CNOT1: variants seen among roughly 807,000 people sequenced by gnomAD.
CNOT1 encodes CCR4-associated factor 1.
CNOT1 carries 15 observed loss-of-function variants against 273.8 expected under a neutral mutation model. The ratio of observed to expected loss-of-function variants is 0.05; its 90% CI spans 0.04 to 0.08. The LOEUF (loss-of-function observed/expected upper bound fraction) is 0.08. CNOT1 is among the 10% of genes least tolerant of loss of function. The pLI, the probability that CNOT1 is intolerant of heterozygous loss-of-function variation, is 1.00. For synonymous variants in CNOT1, 1,022 were observed against 1,005.5 expected, an observed-to-expected ratio of 1.02 and a Z score of -0.31; for missense variants, 1,644 against 2,912.2, an observed-to-expected ratio of 0.56 and a Z score of 10.02.
At chr16:58,567,512 T>C (rs143768488) in intron 16 of CNOT1, among the ~76,000 whole-genome samples, 445 of 136,976 alleles carry the variant, frequency 3.2e-3, no homozygotes, top group Non-Finnish European at 5.0e-3. Flanking sequence ...TGGTAGCATA[T>C]ACCTGTAATC....
chr16:58,552,444 ATCTC>A (rs140637057), intron 22 of CNOT1, among the ~76,000 whole-genome samples: 5 of 151,064 alleles, frequency 3.3e-5, no homozygotes, highest in Non-Finnish European at 5.9e-5. Flanking sequence ...GAAAGTGATG[ATCTC>A]TCTCTCTCTC....
intron 17 of CNOT1, 128 bp downstream of exon 17, chr16:58,560,079 TTAAAA>T: frequency 1.3e-6 from 2 of 1,520,584 alleles, no homozygotes; most frequent in South Asian, 1.3e-5. Flanking sequence ...CATATCTCCT[TTAAAA>T]TAAGTGGATG....
At chr16:58,586,961 T>C (rs2041894297) in intron 6 of CNOT1, among the ~76,000 whole-genome samples, 1 of 152,230 alleles carries the variant, frequency 6.6e-6, no homozygotes, top group African/African-American at 2.4e-5. Context: ...GGCATAGTTC[T>C]GTTTGGCAAA....
chr16:58,541,939 C>T (rs2040108333), intron 33 of CNOT1, among the ~76,000 whole-genome samples: 2 of 152,146 alleles, frequency 1.3e-5, no homozygotes, highest in South Asian at 4.1e-4. Flanking sequence ...TCACTGGGAA[C>T]AATAAGCAAC....
At chr16:58,554,945 A>AAAAAAAG (rs2040583734) in intron 21 of CNOT1, among the ~76,000 whole-genome samples, 1 of 150,242 alleles carries the variant, frequency 6.7e-6, no homozygotes, top group Non-Finnish European at 1.5e-5. Context: ...CAAAAAAAAA[A>AAAAAAAG]AAAAAAAAGC....
At chr16:58,549,519 A>C (rs889103547) in intron 25 of CNOT1, among the ~76,000 whole-genome samples, 200 bp downstream of exon 25, 1 of 152,220 alleles carries the variant, frequency 6.6e-6, no homozygotes, top group Non-Finnish European at 1.5e-5. Context: ...GTTACTTTCA[A>C]AGAAAAGGCA....
At position 58,547,787 on chromosome 16, in the gene CNOT1, T is replaced by A. The variant is rs1466330450; in HGVS notation, c.3523-105A>T. The A allele has an allele frequency of 2.6e-6, 3 of 1,138,616 alleles. No homozygotes were observed. The highest frequency in any genetic ancestry group is 3.6e-6 in the Non-Finnish European group (3 of 828,320). The allele number at this position is 1,138,616 out of a possible 1,614,324, so 70.5% of individuals were successfully genotyped here. A position where few individuals can be genotyped will look rare whatever the true frequency, so the allele number is the denominator to read the frequency against. ...ATCCTATCCTAAAGACAAGTCATCA[T>A]TTCTAAGAACAGGCCCCAAAGTAGA... On this transcript the variant is annotated intron_variant, in intron 25 of 48. Coordinates refer to ENST00000317147, the MANE Select transcript of CNOT1 (RefSeq NM_016284.5). The surrounding 1 kb of genome is among the most constrained non-coding windows in gnomAD (Gnocchi z 4.0).
rs959357056 is a variant in CNOT1, at chr16:58,551,894, G to C, written c.2971-75C>G. The C allele has an allele frequency of 4.5e-6, 7 of 1,570,888 alleles. No individual in the cohort carries two copies. In the East Asian group the frequency reaches 1.6e-4, roughly 35 times the overall value. The stretch of plus-strand genomic sequence containing the variant: ...GATTATACGTCCCTCTTTTCTGAGA[G>C]GGTAAAAAACATGTCTGAGTGCTCT... On this transcript the variant is annotated intron_variant, in intron 22 of 48. Transcript: ENST00000317147.
chr16:58,528,032 GA>G, intron 44 of CNOT1: 1 of 394,468 alleles, frequency 2.5e-6, no homozygotes, highest in Non-Finnish European at 5.0e-6. Flanking sequence ...AGAATAGCTT[GA>G]ACCAGCGAAG....
At chr16:58,565,119 C>T (rs1383935306) in intron 16 of CNOT1, among the ~76,000 whole-genome samples, 1 of 152,086 alleles carries the variant, frequency 6.6e-6, no homozygotes, top group Non-Finnish European at 1.5e-5. Flanking sequence ...TGCTTCACTA[C>T]ATGTTTTCTT....
intron 1 of CNOT1, among the ~76,000 whole-genome samples, chr16:58,606,374 G>GT (rs2042674489): frequency 7.5e-6 from 1 of 133,374 alleles, no homozygotes; most frequent in Non-Finnish European, 1.6e-5. Context: ...GTGCAATACA[G>GT]TGAGACCCCG....
intron 18 of CNOT1, among the ~76,000 whole-genome samples, chr16:58,557,747 G>A (rs1003581580): frequency 4.6e-5 from 7 of 152,184 alleles, no homozygotes; most frequent in Non-Finnish European, 8.8e-5. Context: ...CCAGCACTTT[G>A]GGGGGCCAAG....
At chr16:58,521,079 G>C (rs371300514) in intron 48 of CNOT1, 43 bp from the exon 49 acceptor site, 9 of 1,613,452 alleles carry the variant, frequency 5.6e-6, no homozygotes, top group Non-Finnish European at 7.6e-6. Flanking sequence ...TAAAGAGTAG[G>C]CCTAACAATA....
intron 46 of CNOT1, among the ~76,000 whole-genome samples, chr16:58,524,248 G>A (rs1252162116): frequency 7.9e-5 from 3 of 37,824 alleles, no homozygotes; most frequent in Admixed American, 3.6e-4. Context: ...AGACTCTATC[G>A]CAAAAAAAAA....
chr16:58,626,758 T>TTA, intron 1 of CNOT1, among the ~76,000 whole-genome samples: 1 of 130,324 alleles, frequency 7.7e-6, no homozygotes, highest in East Asian at 3.1e-4. Context: ...AGACTCCGTC[T>TTA]CAAAAAAAAA....
intron 1 of CNOT1, among the ~76,000 whole-genome samples, chr16:58,625,665 G>A (rs2152058362): frequency 6.6e-6 from 1 of 151,354 alleles, no homozygotes. Context: ...GCCTGAGGGA[G>A]AAGAGCAAAA....
intron 4 of CNOT1, 32 bp from the exon 5 acceptor site, chr16:58,587,445 G>T: frequency 6.2e-7 from 1 of 1,609,580 alleles, no homozygotes; most frequent in Non-Finnish European, 8.5e-7. Context: ...TTTAAAATAA[G>T]AACTTACTTT....
In CNOT1 at chr16:58,566,134, C is replaced by T. The variant is rs79672461; in HGVS notation, c.1980-5772G>A. ...TTTGATCAGTAGACTAACATGGTAT[C>T]TGACAGGTTTTTCTGAAGTTGTTTT... On this transcript the variant is annotated intron_variant, in intron 16 of 48. Transcript: ENST00000317147. Among the ~76,000 whole-genome samples the T allele has an allele frequency of 5.1e-3, 770 of 152,290 alleles. 17 individuals carry two copies. The highest frequency in any genetic ancestry group is 0.021 in the East Asian group (108 of 5,190).
rs376034501 is a variant in CNOT1 at position 58,609,070 on chromosome 16, G to C, written c.-174-9559C>G. On this transcript the variant is annotated intron_variant, in intron 1 of 48. Transcript: ENST00000317147. ...GTGATGGGTTCACCAAATTCTCACA[G>C]ATCACCACTAAAGAACTTACTCGCC... Among the ~76,000 whole-genome samples the C allele has an allele frequency of 1.8e-4, 27 of 152,270 alleles. 1 individual carries two copies. In the South Asian group the frequency reaches 4.6e-3, roughly 26 times the overall value.
Sources: gnomAD v4.1 joint callset for allele counts (sites outside exome capture counted in the v4.1 genomes callset) on GRCh38, gnomAD v4.1.1 for gene constraint, Gnocchi (gnomAD v3.1) non-coding constraint, MANE v1.5 for transcripts, NCBI Gene and HGNC (gene_info 2026-07-23, HGNC 2026-07-21) for gene names.